EVL: variants seen among roughly 807,000 people sequenced by gnomAD.
EVL encodes the protein Enah/Vasp-like.
Under a neutral mutation model 59.6 loss-of-function variants are expected in EVL, and 21 were observed. That is an observed-to-expected ratio of 0.35 (90% CI 0.25 to 0.51). EVL has a LOEUF of 0.51. Among genes scored for constraint, EVL ranks in the 20% least tolerant of loss-of-function variants. EVL has a pLI of 0.97. For missense variants in EVL, 462 were observed against 546.6 expected (o/e 0.85, Z 1.54); for synonymous variants, 198 against 203.5 (o/e 0.97, Z 0.23).
chr14:100,022,114 T>G (rs2061135259), intron 1 of EVL, among the ~76,000 whole-genome samples: 1 of 151,880 alleles, frequency 6.6e-6, no homozygotes, highest in African/African-American at 2.4e-5. Context: ...AATATAAACT[T>G]TATGAATTAC....
At chr14:100,043,467 G>A (rs964088952) in intron 1 of EVL, among the ~76,000 whole-genome samples, 1 of 151,450 alleles carries the variant, frequency 6.6e-6, no homozygotes, top group African/African-American at 2.4e-5. Flanking sequence ...GTGAGCCCAG[G>A]GTGGGGGTGG....
At chr14:100,064,063 C>G (rs1475058347), upstream of EVL, among the ~76,000 whole-genome samples, 2 of 152,118 alleles carry the variant, frequency 1.3e-5, no homozygotes, top group Non-Finnish European at 2.9e-5. Flanking sequence ...GCAATACATC[C>G]AAACTGTGGT....
At chr14:100,088,177 G>A (rs1045902003) in intron 2 of EVL, among the ~76,000 whole-genome samples, 1 of 152,228 alleles carries the variant, frequency 6.6e-6, no homozygotes, top group Non-Finnish European at 1.5e-5. Context: ...TTCTGGGAAA[G>A]ACAGTTTGTC....
At chr14:100,105,481 A>C (rs148867052) in intron 3 of EVL, among the ~76,000 whole-genome samples, 1 of 151,922 alleles carries the variant, frequency 6.6e-6, no homozygotes, top group African/African-American at 2.4e-5. Flanking sequence ...AAGACAGAGT[A>C]CTGATTGTCC....
Position 100,097,631 on chromosome 14 carries a change from C to G in EVL, c.331C>G (p.Leu111Val). 1 of 1,612,792 alleles carries G rather than the reference C, an allele frequency of 6.2e-7. No individual in the cohort carries two copies. The highest frequency in any genetic ancestry group is 8.5e-7 in the Non-Finnish European group (1 of 1,179,416). The change falls in exon 3 of 14, where the codon CTG (leucine) becomes GTG (valine). Residue 111 changes from leucine (L) to valine (V), a missense_variant. Transcript: ENST00000392920. Reference sequence around the variant, plus strand: ...GTTCTCCAATGCAATGCTGTTTGCCCTGAACATCATGAATTCCCAAGAAGG... The same window carrying G: ...GTTCTCCAATGCAATGCTGTTTGCCGTGAACATCATGAATTCCCAAGAAGG... ...TTFSNAMLFALNIMNSQEGGP... is the reference protein window; with the variant it reads ...TTFSNAMLFAVNIMNSQEGGP...
chr14:100,124,298 T>G (rs1278387117), intron 4 of EVL, among the ~76,000 whole-genome samples: 1 of 152,218 alleles, frequency 6.6e-6, no homozygotes, highest in Non-Finnish European at 1.5e-5. Flanking sequence ...GCTACACTTA[T>G]GTCCAGCCCT....
In EVL at chr14:100,122,084, G is replaced by A. The variant is rs181637934; in HGVS notation, c.359-1455G>A. 3.7e-4 allele frequency among the ~76,000 whole-genome samples: 57 copies of A among 152,342 alleles called. 1 individual carries two copies. Among genetic ancestry groups the A allele is most frequent in the African/African-American group, 1.4e-3 (57 of 41,580 alleles). ...CAGAGCAGCTCAGGTGCAAGTCCCG[G>A]ACGTGGAGCTGAAACGCCAGGAATC... On this transcript the variant is annotated intron_variant, in intron 3 of 13. Transcript: ENST00000392920.
chr14:100,127,035 A>G lies in EVL; in HGVS notation c.487+264A>G, dbSNP rs1888118742. Among the ~76,000 whole-genome samples the G allele has an allele frequency of 6.6e-6, 1 of 152,214 alleles. No homozygotes were observed. Among genetic ancestry groups the G allele is most frequent in the South Asian group, 2.1e-4 (1 of 4,826 alleles). On this transcript the variant is annotated intron_variant, in intron 5 of 13. Coordinates refer to ENST00000392920, the MANE Select transcript of EVL (RefSeq NM_016337.3). This position sits in a 1 kb window ranked among gnomAD's most constrained non-coding sequence, Gnocchi z 4.2. The stretch of plus-strand genomic sequence containing the variant: ...AGCAAGCACCTCCTGTGTCTCAGGC[A>G]CCGTGCTAAGGGCTGGGGACACAAC...
chr14:100,100,784 CAAAAAAAAAAAAA>C (rs60820079), intron 3 of EVL, among the ~76,000 whole-genome samples: 2 of 47,682 alleles, frequency 4.2e-5, no homozygotes, highest in East Asian at 5.5e-4. Flanking sequence ...GAGTCTGTCT[CAAAAAAAAAAAAA>C]AAAAAAAAAA....
intron 1 of EVL, among the ~76,000 whole-genome samples, chr14:99,981,947 A>G (rs962847414): frequency 1.3e-5 from 2 of 152,360 alleles, no homozygotes; most frequent in Non-Finnish European, 2.9e-5. Context: ...GAGTTGCCAC[A>G]TGAATGTATC....
At chr14:100,068,917 T>G (rs993006446) in intron 1 of EVL, among the ~76,000 whole-genome samples, 1 of 152,142 alleles carries the variant, frequency 6.6e-6, no homozygotes, top group African/African-American at 2.4e-5. Context: ...CTGCCACTTT[T>G]GGGGCCAGCC....
intron 2 of EVL, among the ~76,000 whole-genome samples, chr14:100,093,144 A>G (rs78304132): frequency 0.012 from 1,875 of 152,328 alleles, 47 homozygotes; most frequent in African/African-American, 0.043. Flanking sequence ...GTCAAGTGAC[A>G]TTGGCCTTGT....
intron 2 of EVL, among the ~76,000 whole-genome samples, chr14:100,095,979 T>G (rs149833494): frequency 0.018 from 2,709 of 152,286 alleles, 34 homozygotes; most frequent in Non-Finnish European, 0.027. Flanking sequence ...CCGCCCACCT[T>G]GGCCTCCCAA....
intron 1 of EVL, among the ~76,000 whole-genome samples, chr14:99,984,253 A>T (rs1193534208): frequency 6.6e-6 from 1 of 152,184 alleles, no homozygotes; most frequent in Admixed American, 6.5e-5. Flanking sequence ...CTGCCATAAG[A>T]CATGATTTGT....
chr14:100,119,567 G>A (rs1026727262), intron 3 of EVL, among the ~76,000 whole-genome samples: 2 of 152,248 alleles, frequency 1.3e-5, no homozygotes, highest in South Asian at 2.1e-4. Context: ...GGCTTGGGGG[G>A]CAGAGGGCCA....
chr14:100,084,755 C>T lies in EVL; in HGVS notation c.80C>T (p.Pro27Leu). ...VYDDTSKKWV[P>L]IKPGQQGFSR... ...GATGACACCAGTAAGAAATGGGTAC[C>T]AATCAAACCTGGCCAGCAGGGATTC... Residue 27 changes from proline (P) to leucine (L), a missense_variant, in exon 2 of 14, where the codon CCA becomes CTA. Transcript: ENST00000392920. 2 of 1,614,162 alleles carry T rather than the reference C, an allele frequency of 1.2e-6. No individual in the cohort carries two copies. Among genetic ancestry groups the T allele is most frequent in the Admixed American group, 3.3e-5 (2 of 60,024 alleles).
chr14:99,978,654 T>G (rs1440491783), intron 1 of EVL, among the ~76,000 whole-genome samples: 1 of 152,224 alleles, frequency 6.6e-6, no homozygotes, highest in Non-Finnish European at 1.5e-5. Flanking sequence ...TTTCATTACC[T>G]TTGTTGTCAG....
chr14:99,984,116 A>G (rs888677675), intron 1 of EVL, among the ~76,000 whole-genome samples: 4 of 152,196 alleles, frequency 2.6e-5, no homozygotes, highest in African/African-American at 9.7e-5. Context: ...CCTTCTAAGG[A>G]CAGCATTTCA....
At chr14:100,063,358 G>A (rs1017708602), upstream of EVL, among the ~76,000 whole-genome samples, 3 of 152,224 alleles carry the variant, frequency 2.0e-5, no homozygotes, top group African/African-American at 7.2e-5. Flanking sequence ...TCAGTGTCCA[G>A]AAGCTGAGAG....
Sources: gnomAD v4.1 joint callset for allele counts (sites outside exome capture counted in the v4.1 genomes callset) on GRCh38, gnomAD v4.1.1 for gene constraint, Gnocchi (gnomAD v3.1) non-coding constraint, MANE v1.5 for transcripts, NCBI Gene and HGNC (gene_info 2026-07-23, HGNC 2026-07-21) for gene names.